ITPRIP: variants seen among roughly 807,000 people sequenced by gnomAD.
The protein encoded by ITPRIP is inositol 1,4,5-trisphosphate receptor interacting protein.
In ITPRIP, 32 loss-of-function variants were observed where a neutral mutation model predicts 35.8. That is an observed-to-expected ratio of 0.89 (90% CI 0.68 to 1.20). The LOEUF (loss-of-function observed/expected upper bound fraction) is 1.20, where lower values mean the gene tolerates loss of function less well. Among genes scored for constraint, ITPRIP ranks in the 50% most tolerant of loss-of-function variants. ITPRIP has a pLI of 0.00. For missense variants in ITPRIP, 653 were observed against 735.6 expected (o/e 0.89, Z 1.30); for synonymous variants, 358 against 324.0 (o/e 1.11, Z -1.13).
At chr10:104,319,636 T>A (rs1012587167) in intron 1 of ITPRIP, among the ~76,000 whole-genome samples, 5 of 151,980 alleles carry the variant, frequency 3.3e-5, no homozygotes, top group African/African-American at 1.2e-4. Context: ...CAGCACCCTA[T>A]GGGATAGGAC....
chr10:104,322,459 GCAAATTTT>G (rs2013877398), intron 1 of ITPRIP, among the ~76,000 whole-genome samples: 1 of 152,200 alleles, frequency 6.6e-6, no homozygotes, highest in Admixed American at 6.5e-5. Flanking sequence ...TGTTACAAAT[GCAAATTTT>G]CACAGGCAAC....
intron 1 of ITPRIP, among the ~76,000 whole-genome samples, chr10:104,337,067 C>G (rs2014251047): frequency 6.6e-6 from 1 of 152,144 alleles, no homozygotes; most frequent in African/African-American, 2.4e-5. Flanking sequence ...ATGAAAGCCA[C>G]TTAGGCACGA....
At chr10:104,337,119 C>T (rs2014252387) in intron 1 of ITPRIP, among the ~76,000 whole-genome samples, 1 of 152,142 alleles carries the variant, frequency 6.6e-6, no homozygotes, top group Non-Finnish European at 1.5e-5. Flanking sequence ...ATTCTGTTTT[C>T]GTAAGGAGGA....
In ITPRIP at chr10:104,313,047, T is replaced by C; in HGVS notation, c.*1361A>G. 1 of 985,338 alleles carries C rather than the reference T, an allele frequency of 1.0e-6. No individual in the cohort carries two copies. Among genetic ancestry groups the C allele is most frequent in the Non-Finnish European group, 1.2e-6 (1 of 829,946 alleles). The allele number at this position is 985,338 out of a possible 1,614,324, so 61.0% of individuals were successfully genotyped here. A position where few individuals can be genotyped will look rare whatever the true frequency, so the allele number is the denominator to read the frequency against. ...CAGAGCTTCTGCCAGGCTCTTTGGG[T>C]CTGGGTCATCTGTGTGGTCAGCAGT... On this transcript the variant is annotated 3_prime_UTR_variant, in exon 2 of 2. Transcript: ENST00000337478.
rs368518440 is a variant in ITPRIP, at chr10:104,313,733, G to A, written c.*675C>T. 12 of 985,550 alleles carry A rather than the reference G, an allele frequency of 1.2e-5. No homozygotes were observed. In the African/African-American group the frequency reaches 1.6e-4, roughly 13 times the overall value. 61.1% of individuals were successfully genotyped at this position (985,550 alleles called of 1,614,324 possible). A position where few individuals can be genotyped will look rare whatever the true frequency, so the allele number is the denominator to read the frequency against. On this transcript the variant is annotated 3_prime_UTR_variant, in exon 2 of 2. Coordinates refer to ENST00000337478, the MANE Select transcript of ITPRIP (RefSeq NM_001272013.2). ...TGTAGGGTGCAGCTGAGTGAGAAGT[G>A]TAGCTGAAAAAGTGGCTAATTGTGT...
rs1412402828 is a variant in ITPRIP at position 104,315,695 on chromosome 10, C to T, written c.357G>A (p.Glu119=). The T allele has an allele frequency of 6.2e-7, 1 of 1,613,332 alleles. No individual in the cohort carries two copies. Among genetic ancestry groups the T allele is most frequent in the East Asian group, 2.2e-5 (1 of 44,884 alleles). The change falls in exon 2 of 2, where the codon GAG becomes GAA. Residue 119 remains glutamate, a synonymous_variant. Transcript: ENST00000337478. This position sits in a 1 kb window ranked among gnomAD's most constrained non-coding sequence, Gnocchi z 5.7. ...EGPSPECLGG[E]EDELPGLGGA... ...CCCCCAGCCCAGGCAGCTCATCCTCCTCACCGCCCAGGCACTCAGGTGAGG... is the reference window on the plus strand; with the variant it reads ...CCCCCAGCCCAGGCAGCTCATCCTCTTCACCGCCCAGGCACTCAGGTGAGG...
chr10:104,316,316 C>T lies in ITPRIP; in HGVS notation c.-13-252G>A, dbSNP rs558402447. On this transcript the variant is annotated intron_variant, in intron 1 of 1. Transcript: ENST00000337478. ...GGATGGCAGCAGCACCCCACTGTCCCTAACCCTTTTCTCCTACCAGTCCTT... is the reference window on the plus strand; with the variant it reads ...GGATGGCAGCAGCACCCCACTGTCCTTAACCCTTTTCTCCTACCAGTCCTT... Among the ~76,000 whole-genome samples, 6 of 152,272 alleles carry T rather than the reference C, an allele frequency of 3.9e-5. No individual in the cohort carries two copies. In the South Asian group the frequency reaches 1.2e-3, roughly 32 times the overall value.
chr10:104,329,622 A>C (rs1257828560), intron 1 of ITPRIP, among the ~76,000 whole-genome samples: 5 of 152,044 alleles, frequency 3.3e-5, no homozygotes, highest in Admixed American at 3.3e-4. Flanking sequence ...TTCCACTCCT[A>C]CTGTCACCGA....
Position 104,315,398 on chromosome 10 carries a change from C to A in ITPRIP, c.654G>T (p.Glu218Asp), listed in dbSNP as rs1190970952. 1.3e-6 allele frequency: 2 copies of A among 1,578,748 alleles called. No individual in the cohort carries two copies. Among genetic ancestry groups the A allele is most frequent in the South Asian group, 1.2e-5 (1 of 84,656 alleles). The change falls in exon 2 of 2, where the codon GAG becomes GAT. Residue 218 changes from glutamate (E) to aspartate (D), a missense_variant. By Grantham distance (45) the Glu-to-Asp change is conservative. Coordinates refer to ENST00000337478, the MANE Select transcript of ITPRIP (RefSeq NM_001272013.2). The surrounding 1 kb of genome is among the most constrained non-coding windows in gnomAD (Gnocchi z 5.7). ...CHLFVPFTPP[E>D]PYRFHPELWC... ...AGAGCTCTGGGTGGAAGCGGTAGGGCTCGGGGGGTGTGAAGGGCACGAAAA... is the reference window on the plus strand; with the variant it reads ...AGAGCTCTGGGTGGAAGCGGTAGGGATCGGGGGGTGTGAAGGGCACGAAAA...
rs780913111 is a variant in ITPRIP at position 104,314,534 on chromosome 10, G to A, written c.1518C>T (p.Phe506=). 4.5e-5 allele frequency: 73 copies of A among 1,614,202 alleles called. 1 individual carries two copies. Among genetic ancestry groups the A allele is most frequent in the South Asian group, 4.0e-4 (36 of 91,082 alleles). The change falls in exon 2 of 2, where the codon TTC becomes TTT. Residue 506 remains phenylalanine (F), a synonymous_variant. Transcript: ENST00000337478. ...RAEPLNLFRP[F]VLQRSLYRKT... ...TACGGTAAAGGCTTCGCTGCAGGAC[G>A]AAGGGCCGGAAGAGGTTGAGGGGCT...
In ITPRIP at chr10:104,328,288, TCC is replaced by T; in HGVS notation, c.-14+9956_-14+9957del. 5 of 985,406 alleles carry T rather than the reference TCC, an allele frequency of 5.1e-6. No individual in the cohort carries two copies. The highest frequency in any genetic ancestry group is 6.0e-6 in the Non-Finnish European group (5 of 829,926). The allele number at this position is 985,406 out of a possible 1,614,324, so 61.0% of individuals were successfully genotyped here. A position where few individuals can be genotyped will look rare whatever the true frequency, so the allele number is the denominator to read the frequency against. ...GTCTGGGCTCGTATTCCTCCGAATT[TCC>T]CCTAGCCCTGTGGCCGCATCTCACC... On this transcript the variant is annotated intron_variant, in intron 1 of 1. Transcript: ENST00000337478. The surrounding 1 kb of genome is among the most constrained non-coding windows in gnomAD (Gnocchi z 4.1).
chr10:104,315,004 G>C lies in ITPRIP; in HGVS notation c.1048C>G (p.Pro350Ala). 3 of 1,614,116 alleles carry C rather than the reference G, an allele frequency of 1.9e-6. No homozygotes were observed. The highest frequency in any genetic ancestry group is 2.5e-6 in the Non-Finnish European group (3 of 1,180,026). Residue 350 changes from proline (P) to alanine (A), a missense_variant, in exon 2 of 2, where the codon CCT (proline) becomes GCT (alanine). By Grantham distance (27) the Pro-to-Ala change is conservative. Transcript: ENST00000337478. This position sits in a 1 kb window ranked among gnomAD's most constrained non-coding sequence, Gnocchi z 5.7. ...TCCGAGTCATCACACTGGATCACAG[G>C]AATCAGGTTGAAGGGCATGAACTTC... ...SGKFMPFNLI[P>A]VIQCDDSDLY...
rs975119953 is a variant in ITPRIP at position 104,328,260 on chromosome 10, T to C, written c.-14+9986A>G. On this transcript the variant is annotated intron_variant, in intron 1 of 1. Coordinates refer to ENST00000337478, the MANE Select transcript of ITPRIP (RefSeq NM_001272013.2). This position sits in a 1 kb window ranked among gnomAD's most constrained non-coding sequence, Gnocchi z 4.1. ...CCACTTCCCGTTGTCCTACATTGGC[T>C]TGGTCTGGGCTCGTATTCCTCCGAA... 5 of 985,314 alleles carry C rather than the reference T, an allele frequency of 5.1e-6. No homozygotes were observed. Among genetic ancestry groups the C allele is most frequent in the Admixed American group, 1.2e-4 (2 of 16,266 alleles). The allele number at this position is 985,314 out of a possible 1,614,324, so 61.0% of individuals were successfully genotyped here.
chr10:104,315,360 C>A lies in ITPRIP; in HGVS notation c.692G>T (p.Arg231Leu), dbSNP rs375781402. The change falls in exon 2 of 2, where the codon CGC (arginine) becomes CTC (leucine). Residue 231 changes from arginine (R) to leucine (L), a missense_variant. By Grantham distance (102) the Arg-to-Leu change is moderately radical. Transcript: ENST00000337478. This position sits in a 1 kb window ranked among gnomAD's most constrained non-coding sequence, Gnocchi z 5.7. Reference protein sequence around the residue: ...RFHPELWCSGRSVPLDRQGYG... With the variant: ...RFHPELWCSGLSVPLDRQGYG... ...GCCCTGGCGATCCAGGGGCACTGAGCGGCCGGAGCACCAGAGCTCTGGGTG... is the reference window on the plus strand; with the variant it reads ...GCCCTGGCGATCCAGGGGCACTGAGAGGCCGGAGCACCAGAGCTCTGGGTG... 6.4e-7 allele frequency: 1 copy of A among 1,560,626 alleles called. No homozygotes were observed. The highest frequency in any genetic ancestry group is 8.7e-7 in the Non-Finnish European group (1 of 1,150,240).
chr10:104,334,837 G>A (rs938044767), intron 1 of ITPRIP, among the ~76,000 whole-genome samples: 6 of 152,222 alleles, frequency 3.9e-5, no homozygotes, highest in Admixed American at 2.0e-4. Flanking sequence ...TCTGGTCTTT[G>A]GTTTCCCATA....
intron 1 of ITPRIP, among the ~76,000 whole-genome samples, chr10:104,330,926 T>A (rs969164633): frequency 2.5e-4 from 38 of 152,212 alleles, no homozygotes; most frequent in African/African-American, 8.4e-4. Flanking sequence ...TGACCTGGTA[T>A]CTGTGAAACA....
intron 1 of ITPRIP, among the ~76,000 whole-genome samples, chr10:104,330,266 A>G (rs1355765745): frequency 1.3e-5 from 2 of 152,240 alleles, no homozygotes; most frequent in East Asian, 3.8e-4. Flanking sequence ...CCTGGAGTGA[A>G]GTGGAAAGCT....
intron 1 of ITPRIP, among the ~76,000 whole-genome samples, chr10:104,325,579 C>T (rs2013979431): frequency 6.6e-6 from 1 of 152,224 alleles, no homozygotes; most frequent in South Asian, 2.1e-4. Flanking sequence ...CCCATGGCCT[C>T]TGCAAGGACT....
rs369198448 is a variant in ITPRIP at position 104,315,569 on chromosome 10, C to T, written c.483G>A (p.Arg161=). ...RGATADAART[R]EFLEGFVDDL... is the part of the protein sequence containing the mutation. ...CATCCACGAAGCCTTCCAGGAACTC[C>T]CGGGTACGGGCTGCATCGGCCGTGG... The change falls in exon 2 of 2, where the codon CGG becomes CGA. Residue 161 remains arginine (R), a synonymous_variant. Coordinates refer to ENST00000337478, the MANE Select transcript of ITPRIP (RefSeq NM_001272013.2). The surrounding 1 kb of genome is among the most constrained non-coding windows in gnomAD (Gnocchi z 5.7). 5.0e-6 allele frequency: 8 copies of T among 1,613,946 alleles called. No homozygotes were observed. Among genetic ancestry groups the T allele is most frequent in the South Asian group, 1.1e-5 (1 of 91,092 alleles).
Sources: gnomAD v4.1 joint callset for allele counts (sites outside exome capture counted in the v4.1 genomes callset) on GRCh38, gnomAD v4.1.1 for gene constraint, Gnocchi (gnomAD v3.1) non-coding constraint, MANE v1.5 for transcripts, NCBI Gene and HGNC (gene_info 2026-07-23, HGNC 2026-07-21) for gene names.